FYN: variants seen among roughly 807,000 people sequenced by gnomAD.
The protein encoded by FYN is FYN proto-oncogene, Src family tyrosine kinase.
Under a neutral mutation model 70.2 loss-of-function variants are expected in FYN, and 10 were observed. The observed-to-expected ratio is 0.14, with a 90% CI of 0.09 to 0.24. FYN has a LOEUF of 0.24. Ranked by LOEUF, FYN falls within the 10% of genes least tolerant of loss-of-function variation. FYN has a pLI of 1.00. For synonymous variants in FYN, 236 were observed against 248.6 expected (o/e 0.95, Z 0.48); for missense variants, 319 against 673.1 (o/e 0.47, Z 5.82).
chr6:111,821,293 C>T (rs1050739516), intron 2 of FYN, among the ~76,000 whole-genome samples: 1 of 152,082 alleles, frequency 6.6e-6, no homozygotes, highest in Non-Finnish European at 1.5e-5. Flanking sequence ...GAGATATAGA[C>T]CAATGGAACA....
chr6:111,804,822 A>G (rs1772098950), intron 2 of FYN, among the ~76,000 whole-genome samples: 1 of 152,206 alleles, frequency 6.6e-6, no homozygotes, highest in South Asian at 2.1e-4. Flanking sequence ...GTAATATAAT[A>G]GAAAGAACTC....
intron 3 of FYN, among the ~76,000 whole-genome samples, chr6:111,753,943 A>T (rs1186752921): frequency 6.6e-6 from 1 of 152,204 alleles, no homozygotes; most frequent in African/African-American, 2.4e-5. Flanking sequence ...GCTGGTCATC[A>T]TGGAGGCCCT....
At chr6:111,718,437 C>A (rs1302507493) in intron 4 of FYN, among the ~76,000 whole-genome samples, 1 of 152,168 alleles carries the variant, frequency 6.6e-6, no homozygotes, top group Non-Finnish European at 1.5e-5. Flanking sequence ...ACGGTGGAGA[C>A]CCACATGCTC....
chr6:111,764,540 G>GTA (rs1803151602), intron 3 of FYN, among the ~76,000 whole-genome samples: 2 of 152,190 alleles, frequency 1.3e-5, no homozygotes, highest in African/African-American at 2.4e-5. Context: ...ATAATGCAAA[G>GTA]CTTGTGCCTC....
At chr6:111,735,585 C>T (rs1801673773) in intron 3 of FYN, among the ~76,000 whole-genome samples, 1 of 152,102 alleles carries the variant, frequency 6.6e-6, no homozygotes, top group African/African-American at 2.4e-5. Context: ...GATACTTATC[C>T]AGTATTAAGC....
intron 13 of FYN, among the ~76,000 whole-genome samples, chr6:111,668,494 T>C (rs1422943945): frequency 7.0e-6 from 1 of 143,650 alleles, no homozygotes; most frequent in African/African-American, 2.8e-5. Context: ...GAGAACTCCT[T>C]TGTCCCAGAA....
At chr6:111,829,730 G>C (rs940988318) in intron 2 of FYN, among the ~76,000 whole-genome samples, 1 of 152,156 alleles carries the variant, frequency 6.6e-6, no homozygotes, top group Non-Finnish European at 1.5e-5. Context: ...GATGTAGTTG[G>C]AAGAGATAAC....
At chr6:111,804,443 A>C (rs1276219356) in intron 2 of FYN, among the ~76,000 whole-genome samples, 1 of 152,200 alleles carries the variant, frequency 6.6e-6, no homozygotes, top group Non-Finnish European at 1.5e-5. Flanking sequence ...CCTGTTCCAC[A>C]CAGGAATAGG....
intron 1 of FYN, among the ~76,000 whole-genome samples, chr6:111,871,263 C>T (rs779041322): frequency 2.5e-4 from 38 of 152,310 alleles, no homozygotes; most frequent in Middle Eastern, 6.8e-3. Flanking sequence ...CTCTACAGCC[C>T]CAGTTCATAG....
intron 2 of FYN, among the ~76,000 whole-genome samples, chr6:111,841,700 G>A (rs926733727): frequency 1.2e-4 from 18 of 151,854 alleles, no homozygotes; most frequent in African/African-American, 3.6e-4. Context: ...CTTGAATCAC[G>A]CTGAAAATAT....
At chr6:111,753,029 T>C (rs1802556616) in intron 3 of FYN, among the ~76,000 whole-genome samples, 1 of 152,176 alleles carries the variant, frequency 6.6e-6, no homozygotes, top group Admixed American at 6.5e-5. Context: ...AAAAATAGCT[T>C]TGGATAAAAT....
chr6:111,737,933 TAAAC>T lies in FYN; in HGVS notation c.-11-17875_-11-17872del, dbSNP rs1453569565. On this transcript the variant is annotated intron_variant, in intron 3 of 13. Transcript: ENST00000354650. ...GACTATTTTCCCATAAAAAAACAAA[TAAAC>T]AAATAATTTTTTCTTTGGTACCAGA... 3.9e-5 allele frequency among the ~76,000 whole-genome samples: 6 copies of T among 152,168 alleles called. No individual in the cohort carries two copies. The South Asian group carries it at 6.2e-4, about 16-fold the overall frequency.
chr6:111,793,410 T>C (rs1771695903), intron 2 of FYN, among the ~76,000 whole-genome samples: 1 of 152,118 alleles, frequency 6.6e-6, no homozygotes, highest in Admixed American at 6.5e-5. Context: ...GTTTACAGTC[T>C]GCGCATCCCC....
At chr6:111,684,238 A>G (rs1798896439) in intron 12 of FYN, among the ~76,000 whole-genome samples, 1 of 152,182 alleles carries the variant, frequency 6.6e-6, no homozygotes, top group African/African-American at 2.4e-5. Flanking sequence ...CAAGGAGTGG[A>G]AGGTGGGCCC....
intron 2 of FYN, among the ~76,000 whole-genome samples, chr6:111,794,357 T>C (rs1771735430): frequency 6.6e-6 from 1 of 152,228 alleles, no homozygotes; most frequent in African/African-American, 2.4e-5. Context: ...CTTTTGATCA[T>C]GAATGCCACA....
In FYN at chr6:111,768,571, C is replaced by T. The variant is rs146080970; in HGVS notation, c.-12+11995G>A. Among the ~76,000 whole-genome samples the T allele has an allele frequency of 1.3e-3, 203 of 152,248 alleles. 7 individuals are homozygous for T. The East Asian group carries it at 0.028, about 21-fold the overall frequency. On this transcript the variant is annotated intron_variant, in intron 3 of 13. Coordinates refer to ENST00000354650, the MANE Select transcript of FYN (RefSeq NM_002037.5). ...GCCAGGGCCCTGTTCTCCGGGACTC[C>T]GAATGAATGGAGGGACAGTGGGGCC...
rs546601944 is a variant in FYN, at chr6:111,699,636, C to T, written c.862+468G>A. The T allele has an allele frequency of 6.8e-5, 109 of 1,613,990 alleles. 1 individual carries two copies. The South Asian group carries it at 1.2e-3, about 17-fold the overall frequency. ...TTTGTGGGGTACAACTCGATGCAATCACAGTTAAGTTAAAACACAAACCAT... is the reference window on the plus strand; with the variant it reads ...TTTGTGGGGTACAACTCGATGCAATTACAGTTAAGTTAAAACACAAACCAT... On this transcript the variant is annotated intron_variant, in intron 9 of 13. Transcript: ENST00000354650.
intron 3 of FYN, among the ~76,000 whole-genome samples, chr6:111,722,454 T>G (rs997526959): frequency 6.6e-6 from 1 of 152,248 alleles, no homozygotes; most frequent in Non-Finnish European, 1.5e-5. Flanking sequence ...CTTGCTCATA[T>G]AATATTAACT....
intron 1 of FYN, among the ~76,000 whole-genome samples, chr6:111,850,535 G>A (rs1361307503): frequency 2.0e-5 from 3 of 152,214 alleles, no homozygotes; most frequent in Admixed American, 6.5e-5. Context: ...CTTCCATATC[G>A]AGCGTGTCCA....
Sources: allele counts gnomAD v4.1 joint callset (sites outside exome capture counted in the v4.1 genomes callset), GRCh38; gene constraint gnomAD v4.1.1; transcripts MANE v1.5; gene names NCBI Gene and HGNC (gene_info 2026-07-23, HGNC 2026-07-21).